MGAM: variants seen among roughly 807,000 people sequenced by gnomAD.
MGAM encodes maltase-glucoamylase, also known as alpha-1,4-glucosidase.
Under a neutral mutation model 358.8 loss-of-function variants are expected in MGAM, and 253 were observed. The observed-to-expected ratio is 0.71, with a 90% confidence interval of 0.64 to 0.78. MGAM has a LOEUF of 0.78. MGAM is among the 30% of genes least tolerant of loss of function. The pLI is 0.00. For missense variants in MGAM, 3,080 were observed against 3,432.6 expected (o/e 0.90, Z 2.57); for synonymous variants, 1,105 against 1,227.1 (o/e 0.90, Z 2.08).
chr7:142,018,685 C>T (rs1806162683), intron 3 of MGAM, among the ~76,000 whole-genome samples: 1 of 152,190 alleles, frequency 6.6e-6, no homozygotes, highest in Non-Finnish European at 1.5e-5. Context: ...AGACTACTTT[C>T]TGCCTCTGGA....
Position 142,008,569 on chromosome 7 carries a change from C to T in MGAM, c.191C>T (p.Thr64Ile). ...ACAACTGGTACCCCAGATCCTGGAA[C>T]AACTGGTACCACACATGCTAGGACA... ...PGTTGTPDPG[T>I]TGTTHARTTG... The change falls in exon 3 of 71, where the codon ACA becomes ATA. Residue 64 changes from threonine (T) to isoleucine (I), a missense_variant. By Grantham distance (89) the Thr-to-Ile change is moderately conservative. Around this residue, in one of 5 missense-constraint regions of MGAM, gnomAD observed 1,816 missense variants for 1,840.5 expected, o/e 0.99. Transcript: ENST00000475668. 1 of 1,613,042 alleles carries T rather than the reference C, an allele frequency of 6.2e-7. No individual in the cohort carries two copies. Among genetic ancestry groups the T allele is most frequent in the Non-Finnish European group, 8.5e-7 (1 of 1,179,316 alleles).
At chr7:142,049,504 T>G (rs1444750809) in intron 22 of MGAM, among the ~76,000 whole-genome samples, 1 of 151,994 alleles carries the variant, frequency 6.6e-6, no homozygotes, top group Non-Finnish European at 1.5e-5. Flanking sequence ...ATCAACAAAG[T>G]GAAAAGGCAA....
intron 21 of MGAM, among the ~76,000 whole-genome samples, chr7:142,042,625 AC>A (rs1809097087): frequency 1.2e-4 from 3 of 24,562 alleles, no homozygotes; most frequent in Admixed American, 8.3e-4. Context: ...TATTATATAT[AC>A]ATATTATATA....
intron 17 of MGAM, among the ~76,000 whole-genome samples, 198 bp downstream of exon 17, chr7:142,036,483 G>A (rs1479230968): frequency 2.0e-5 from 3 of 152,114 alleles, no homozygotes; most frequent in African/African-American, 7.2e-5. Flanking sequence ...GTTATTTACT[G>A]TTGCATTCAA....
At chr7:141,997,982 A>G (rs1268529659) in intron 1 of MGAM, among the ~76,000 whole-genome samples, 5 of 152,216 alleles carry the variant, frequency 3.3e-5, no homozygotes, top group Non-Finnish European at 5.9e-5. Flanking sequence ...GTGTTAGCAA[A>G]GGATTTTAAA....
chr7:142,082,701 TC>T, intron 52 of MGAM, 130 bp downstream of exon 52: 1 of 767,282 alleles, frequency 1.3e-6, no homozygotes, highest in Non-Finnish European at 2.1e-6. Flanking sequence ...GTTTATTTTT[TC>T]TTTGTGTTTA....
At chr7:142,048,115 TTTTATTTATTTA>T (rs58194410) in intron 22 of MGAM, among the ~76,000 whole-genome samples, 1,057 of 102,490 alleles carry the variant, frequency 0.01, 7 homozygotes, top group African/African-American at 0.024. Context: ...ATAATAGGCT[TTTTATTTATTTA>T]TTTATTTATT....
chr7:142,058,273 A>G lies in MGAM; in HGVS notation c.3764A>G (p.Asn1255Ser). The change falls in exon 31 of 71, where the codon AAT becomes AGT. Residue 1255 changes from asparagine (N) to serine (S), a missense_variant. Asn to Ser is a conservative substitution (Grantham distance 46). Transcript: ENST00000475668. ...CAGCTGTGTCGCTATGGCTACCAGA[A>G]TGACTCTGAGATCGCCAGCTTGTAT... is the stretch of plus-strand genomic sequence containing the variant. ...GFQLCRYGYQ[N>S]DSEIASLYDE... 1.9e-6 allele frequency: 3 copies of G among 1,613,960 alleles called. No individual in the cohort carries two copies. The highest frequency in any genetic ancestry group is 2.7e-5 in the African/African-American group (2 of 75,046).
intron 8 of MGAM, among the ~76,000 whole-genome samples, chr7:142,025,457 T>A (rs148502843): frequency 2.6e-4 from 39 of 152,334 alleles, no homozygotes; most frequent in African/African-American, 9.1e-4. Flanking sequence ...CACCAATGTG[T>A]TCTTCTCCGT....
chr7:142,055,916 TG>T (rs1398249204), intron 28 of MGAM, 83 bp from the exon 29 acceptor site: 26 of 1,478,886 alleles, frequency 1.8e-5, no homozygotes, highest in Admixed American at 5.9e-5. Flanking sequence ...ACTAGAGCCA[TG>T]TTAGCAAGCA....
intron 43 of MGAM, among the ~76,000 whole-genome samples, chr7:142,069,118 C>G (rs1376349304): frequency 2.7e-5 from 4 of 146,198 alleles, no homozygotes; most frequent in Non-Finnish European, 6.2e-5. Context: ...CGTTTTGTCT[C>G]TTTTGATTAA....
At chr7:142,097,936 C>T (rs1237043604) in intron 66 of MGAM, among the ~76,000 whole-genome samples, 8 of 152,268 alleles carry the variant, frequency 5.3e-5, no homozygotes, top group African/African-American at 1.7e-4. Context: ...CTGCTATTTA[C>T]AATGTTTTGT....
intron 3 of MGAM, among the ~76,000 whole-genome samples, chr7:142,010,685 T>G (rs1554454091): frequency 6.6e-6 from 1 of 152,136 alleles, no homozygotes; most frequent in Non-Finnish European, 1.5e-5. Flanking sequence ...CTTTTGTTAT[T>G]ATTTCTACCC....
rs750863252 is a variant in MGAM at position 142,085,956 on chromosome 7, A to G, written c.6631A>G (p.Ile2211Val). The G allele has an allele frequency of 6.4e-7, 1 of 1,565,454 alleles. No individual in the cohort carries two copies. The highest frequency in any genetic ancestry group is 8.8e-7 in the Non-Finnish European group (1 of 1,140,690). Residue 2211 changes from isoleucine (I) to valine (V), a missense_variant, in exon 55 of 71, where the codon ATT becomes GTT. Coordinates refer to ENST00000475668, the MANE Select transcript of MGAM (RefSeq NM_001365693.1). ...GGCTGATGGGATGCGGGTCATCCTC[A>G]TTCTGGTTAGTCCTGATGTGAATGT... ...MKADGMRVIL[I>V]LDPAISGNET...
intron 27 of MGAM, among the ~76,000 whole-genome samples, chr7:142,055,345 C>T (rs1304926742): frequency 6.6e-6 from 1 of 152,076 alleles, no homozygotes; most frequent in Non-Finnish European, 1.5e-5. Context: ...TGAAAGGAGG[C>T]AGTGACAGAG....
rs746699052 is a variant in MGAM, at chr7:142,052,327, G to A, written c.2839G>A (p.Gly947Arg). Residue 947 changes from glycine to arginine, a missense_variant, in exon 25 of 71, where the codon GGA becomes AGA. By Grantham distance (125) the Gly-to-Arg change is moderately radical. Transcript: ENST00000475668. ...TATCACAGATATTGATCTTCTCCTG[G>A]GAGAAGCATACACAGTGGAATGGAG... ...AIITDIDLLL[G>R]EAYTVEWSIK... 6.2e-7 allele frequency: 1 copy of A among 1,607,882 alleles called. No homozygotes were observed. The highest frequency in any genetic ancestry group is 8.5e-7 in the Non-Finnish European group (1 of 1,176,838).
In MGAM at chr7:142,077,452, G is replaced by A. The variant is rs189658567; in HGVS notation, c.5493+626G>A. Among the ~76,000 whole-genome samples the A allele has an allele frequency of 3.9e-3, 563 of 145,618 alleles. 27 individuals are homozygous for A. The highest frequency in any genetic ancestry group is 0.012 in the African/African-American group (500 of 41,150). On this transcript the variant is annotated intron_variant, in intron 47 of 70. Coordinates refer to ENST00000475668, the MANE Select transcript of MGAM (RefSeq NM_001365693.1). ...AGAATGTGATTTTATTACTCCAGAC[G>A]TGTGAGAACTTTAACTTGGGAAGTG...
At chr7:142,031,648 C>G in intron 12 of MGAM, 32 bp from the exon 13 acceptor site, 3 of 1,437,608 alleles carry the variant, frequency 2.1e-6, no homozygotes, top group Non-Finnish European at 2.9e-6. Flanking sequence ...GTTTAATTTA[C>G]TCTTACCAGT....
intron 30 of MGAM, 143 bp from the exon 31 acceptor site, chr7:142,058,060 C>G: frequency 7.6e-7 from 1 of 1,310,142 alleles, no homozygotes; most frequent in Non-Finnish European, 1.1e-6. Context: ...ATCCTAGTGG[C>G]TCTATATCCT....
Sources: allele counts gnomAD v4.1 joint callset (sites outside exome capture counted in the v4.1 genomes callset), GRCh38; gene constraint gnomAD v4.1.1; regional missense constraint gnomAD v4.1.1; transcripts MANE v1.5; gene names NCBI Gene and HGNC (gene_info 2026-07-23, HGNC 2026-07-21).